Variants in IKZF2 observed in about 807,000 individuals in gnomAD.
IKZF2 encodes zinc finger protein Helios.
A neutral mutation model predicts 49.2 loss-of-function variants in IKZF2; 15 were observed. That is an observed-to-expected ratio of 0.30 (90% CI 0.20 to 0.47). The LOEUF is 0.47. Ranked by LOEUF, IKZF2 falls within the 20% of genes least tolerant of loss-of-function variation. The pLI, the probability that IKZF2 is intolerant of heterozygous loss-of-function variation, is 1.00. For missense variants in IKZF2, 567 were observed against 664.6 expected (o/e 0.85, Z 1.61); for synonymous variants, 227 against 221.4 (o/e 1.03, Z -0.23).
intron 4 of IKZF2, among the ~76,000 whole-genome samples, chr2:213,072,313 T>C (rs567845997): frequency 2.0e-5 from 3 of 151,198 alleles, no homozygotes; most frequent in African/African-American, 7.3e-5. Flanking sequence ...TTTTTTTCTG[T>C]TTCGACTGAT....
At chr2:213,109,276 C>T (rs751775927) in intron 4 of IKZF2, among the ~76,000 whole-genome samples, 19 of 151,836 alleles carry the variant, frequency 1.3e-4, no homozygotes, top group Non-Finnish European at 2.4e-4. Flanking sequence ...TATAATCCAC[C>T]TCCCCTTTAT....
chr2:213,142,259 C>CT (rs998195728), intron 4 of IKZF2, among the ~76,000 whole-genome samples: 1 of 151,886 alleles, frequency 6.6e-6, no homozygotes, highest in Non-Finnish European at 1.5e-5. Flanking sequence ...TAGACAAACT[C>CT]TATTTCTTTC....
intron 3 of IKZF2, among the ~76,000 whole-genome samples, 185 bp downstream of exon 3, chr2:213,148,411 T>C (rs943922116): frequency 2.0e-5 from 3 of 152,226 alleles, no homozygotes; most frequent in Non-Finnish European, 4.4e-5. Flanking sequence ...AGTATGTTTC[T>C]ATATTTCCTT....
At position 213,007,861 on chromosome 2, in the gene IKZF2, A is replaced by G. The variant is rs1695507860; in HGVS notation, c.1080T>C (p.His360=). ...TAATGGGTCTTTCTATCCTATTTGG[A>G]TGATAGACCTGAGAATAAGCTGAGC... is the stretch of plus-strand genomic sequence containing the variant. ...VISSAYSQVY[H]PNRIERPISR... is the part of the protein sequence containing the mutation. The change falls in exon 9 of 9, where the codon CAT becomes CAC. Residue 360 remains histidine, a synonymous_variant. Transcript: ENST00000434687. The G allele has an allele frequency of 6.2e-7, 1 of 1,613,526 alleles. No homozygotes were observed. The highest frequency in any genetic ancestry group is 1.3e-5 in the African/African-American group (1 of 74,982).
chr2:213,054,675 G>C (rs1432945012), intron 5 of IKZF2, among the ~76,000 whole-genome samples: 4 of 152,068 alleles, frequency 2.6e-5, no homozygotes, highest in Non-Finnish European at 4.4e-5. Context: ...ATCTAGATCT[G>C]AAGAAAGTAT....
At chr2:213,075,442 T>C (rs1703151407) in intron 4 of IKZF2, among the ~76,000 whole-genome samples, 1 of 152,140 alleles carries the variant, frequency 6.6e-6, no homozygotes. Context: ...TTATACTCAG[T>C]AGAAAAAATA....
chr2:213,045,622 G>C (rs1451265144), intron 6 of IKZF2, among the ~76,000 whole-genome samples: 1 of 152,176 alleles, frequency 6.6e-6, no homozygotes, highest in African/African-American at 2.4e-5. Flanking sequence ...GCCTCAGTAA[G>C]AGATATATGC....
intron 6 of IKZF2, among the ~76,000 whole-genome samples, chr2:213,026,519 G>C (rs1329249300): frequency 1.3e-5 from 2 of 152,094 alleles, no homozygotes; most frequent in African/African-American, 2.4e-5. Context: ...AATAAGTGGA[G>C]TTTTTATGAA....
intron 4 of IKZF2, among the ~76,000 whole-genome samples, chr2:213,114,517 T>C (rs2059808333): frequency 6.6e-6 from 1 of 152,116 alleles, no homozygotes; most frequent in Admixed American, 6.5e-5. Context: ...ATAAAGTGTA[T>C]GAAAATGAAT....
intron 4 of IKZF2, among the ~76,000 whole-genome samples, chr2:213,136,386 A>AAG (rs1262949332): frequency 4.5e-5 from 5 of 111,056 alleles, no homozygotes; most frequent in Admixed American, 1.2e-4. Context: ...AAAAAAAAAA[A>AAG]AAAAAGAAAA....
intron 3 of IKZF2, among the ~76,000 whole-genome samples, chr2:213,148,315 T>C (rs2061151224): frequency 6.6e-6 from 1 of 152,232 alleles, no homozygotes; most frequent in Non-Finnish European, 1.5e-5. Context: ...ACCTGGCCTA[T>C]TCTCAACTTA....
At chr2:213,035,348 AC>A (rs1233486067) in intron 6 of IKZF2, among the ~76,000 whole-genome samples, 1 of 152,150 alleles carries the variant, frequency 6.6e-6, no homozygotes, top group East Asian at 1.9e-4. Flanking sequence ...TGTAAGCTCC[AC>A]AAAGACAGTC....
intron 7 of IKZF2, among the ~76,000 whole-genome samples, chr2:213,015,461 T>C (rs1480294632): frequency 6.6e-6 from 1 of 152,070 alleles, no homozygotes; most frequent in Admixed American, 6.6e-5. Context: ...TAAAACATTA[T>C]ATTCTCTTTT....
chr2:213,027,886 T>C (rs979718497), intron 6 of IKZF2, among the ~76,000 whole-genome samples: 11 of 152,132 alleles, frequency 7.2e-5, no homozygotes, highest in African/African-American at 2.7e-4. Flanking sequence ...AAGTCTCTAA[T>C]TTGGATGTTT....
chr2:213,110,418 T>TA lies in IKZF2; in HGVS notation c.139+37289dup, dbSNP rs2125766028. ...TAGTAAACATTTCTGGGGTTTTTTT[T>TA]ACCCAACTTATTTTCTTCTGCCCCT... On this transcript the variant is annotated intron_variant, in intron 4 of 8. Transcript: ENST00000434687. 1.3e-5 allele frequency among the ~76,000 whole-genome samples: 2 copies of TA among 151,972 alleles called. 1 individual carries two copies. Among genetic ancestry groups the TA allele is most frequent in the South Asian group, 4.1e-4 (2 of 4,822 alleles).
At chr2:213,027,863 T>C (rs1266701322) in intron 6 of IKZF2, among the ~76,000 whole-genome samples, 2 of 152,142 alleles carry the variant, frequency 1.3e-5, no homozygotes, top group Admixed American at 1.3e-4. Context: ...TATGAGCGTA[T>C]GTCTCTGGTC....
chr2:213,146,387 T>A (rs539730566), intron 4 of IKZF2, among the ~76,000 whole-genome samples: 1 of 152,218 alleles, frequency 6.6e-6, no homozygotes, highest in Admixed American at 6.5e-5. Context: ...TACTAGTTTT[T>A]TCTTTCTAAA....
intron 4 of IKZF2, among the ~76,000 whole-genome samples, chr2:213,128,241 C>T (rs1574943088): frequency 6.6e-6 from 1 of 152,086 alleles, no homozygotes; most frequent in South Asian, 2.1e-4. Context: ...AAGCTATATG[C>T]AAATATTTGC....
chr2:213,072,296 G>GTTT (rs377550534), intron 4 of IKZF2, among the ~76,000 whole-genome samples: 5 of 144,544 alleles, frequency 3.5e-5, no homozygotes, highest in African/African-American at 5.0e-5. Context: ...CCTTTCCTTT[G>GTTT]TTTTTTTTTT....
Sources: gnomAD v4.1 joint callset for allele counts (sites outside exome capture counted in the v4.1 genomes callset) on GRCh38, gnomAD v4.1.1 for gene constraint, MANE v1.5 for transcripts, NCBI Gene and HGNC (gene_info 2026-07-23, HGNC 2026-07-21) for gene names.